The following LARS2 variants were observed in gnomAD, a reference collection of about 807,000 sequenced individuals.
LARS2 encodes leucine--tRNA ligase, mitochondrial.
LARS2 carries 81 observed loss-of-function variants against 116.6 expected under a neutral mutation model. The observed-to-expected ratio is 0.69, with a 90% confidence interval of 0.58 to 0.84. The LOEUF is 0.84. LARS2 is among the 40% of genes least tolerant of loss of function. LARS2 has a pLI of 0.00. For synonymous variants in LARS2, 396 were observed against 407.2 expected (o/e 0.97, Z 0.33); for missense variants, 968 against 1,114.5 (o/e 0.87, Z 1.87).
chr3:45,418,946 C>T (rs1447515439), intron 5 of LARS2, among the ~76,000 whole-genome samples: 2 of 152,234 alleles, frequency 1.3e-5, no homozygotes, highest in Non-Finnish European at 2.9e-5. Flanking sequence ...AGACTAAGCA[C>T]TTCTCTGCAA....
intron 8 of LARS2, among the ~76,000 whole-genome samples, chr3:45,473,804 A>T (rs1319154797): frequency 1.3e-5 from 2 of 151,860 alleles, no homozygotes; most frequent in Non-Finnish European, 2.9e-5. Flanking sequence ...AATACTTTTT[A>T]AATGCAAAGA....
chr3:45,518,813 G>A (rs1022685435), intron 18 of LARS2, among the ~76,000 whole-genome samples: 2 of 152,102 alleles, frequency 1.3e-5, no homozygotes, highest in African/African-American at 4.8e-5. Context: ...ACACAATGAT[G>A]CATGGCAGGT....
rs532935241 is a variant in LARS2, at chr3:45,524,417, T to C, written c.2404+309T>C. Among the ~76,000 whole-genome samples the C allele has an allele frequency of 1.3e-3, 193 of 152,320 alleles. 1 individual carries two copies. Among genetic ancestry groups the C allele is most frequent in the African/African-American group, 4.4e-3 (183 of 41,572 alleles). ...TCCACATATTATGACCTGCGTGGTCTTTTTAAGATAAAAACTCATGTTTAA... is the reference window on the plus strand; with the variant it reads ...TCCACATATTATGACCTGCGTGGTCCTTTTAAGATAAAAACTCATGTTTAA... On this transcript the variant is annotated intron_variant, in intron 20 of 21. Coordinates refer to ENST00000645846, the MANE Select transcript of LARS2 (RefSeq NM_015340.4).
intron 1 of LARS2, among the ~76,000 whole-genome samples, 167 bp from the exon 2 acceptor site, chr3:45,391,416 C>T (rs1362985654): frequency 1.3e-5 from 2 of 149,132 alleles, no homozygotes; most frequent in African/African-American, 2.5e-5. Flanking sequence ...ACCCGGGAGG[C>T]GGAGGTTGCA....
chr3:45,548,520 A>T lies in LARS2; in HGVS notation c.*990A>T, dbSNP rs1489967692. 3 of 152,230 alleles carry T rather than the reference A, an allele frequency of 2.0e-5. No homozygotes were observed. Among genetic ancestry groups the T allele is most frequent in the Non-Finnish European group, 4.4e-5 (3 of 68,062 alleles). The allele number at this position is 152,230 out of a possible 1,614,324, so 9.4% of individuals were successfully genotyped here. On this transcript the variant is annotated 3_prime_UTR_variant, in exon 22 of 22. Coordinates refer to ENST00000645846, the MANE Select transcript of LARS2 (RefSeq NM_015340.4). ...GAGGAGTGGAACTGAGGCCCCCCAG[A>T]TGTTGCCTCCGGTGTCCAAGCCACA...
chr3:45,517,812 T>C (rs1700391937), intron 17 of LARS2, 91 bp from the exon 18 acceptor site: 8 of 1,007,868 alleles, frequency 7.9e-6, no homozygotes, highest in African/African-American at 1.6e-5. Context: ...GTCACATCAA[T>C]TCACAGGTGT....
chr3:45,505,203 T>C (rs968248938), intron 15 of LARS2, among the ~76,000 whole-genome samples: 8 of 151,976 alleles, frequency 5.3e-5, no homozygotes, highest in African/African-American at 1.9e-4. Flanking sequence ...TGCACACCTA[T>C]GTTCTTAGCT....
chr3:45,456,986 G>A (rs1421679206), intron 7 of LARS2, among the ~76,000 whole-genome samples: 4 of 152,240 alleles, frequency 2.6e-5, no homozygotes, highest in Non-Finnish European at 5.9e-5. Flanking sequence ...AGTCATTGAA[G>A]ACAATTTGAT....
chr3:45,402,195 A>G lies in LARS2; in HGVS notation c.363+1822A>G, dbSNP rs536767032. Among the ~76,000 whole-genome samples the G allele has an allele frequency of 6.6e-5, 10 of 152,312 alleles. No homozygotes were observed. In the South Asian group the frequency reaches 2.1e-3, roughly 32 times the overall value. On this transcript the variant is annotated intron_variant, in intron 4 of 21. Transcript: ENST00000645846. The stretch of plus-strand genomic sequence containing the variant: ...ATAGTACCTGCCCCATTGGCCTGTT[A>G]AAAGGATTCAAAGAGGATGACTATG...
chr3:45,430,272 A>AATCTTT (rs1463959360), intron 6 of LARS2, among the ~76,000 whole-genome samples: 1 of 96,786 alleles, frequency 1.0e-5, no homozygotes. Flanking sequence ...GCACCCGGCC[A>AATCTTT]TTTTTTTTTT....
chr3:45,402,801 G>A (rs910981977), intron 4 of LARS2, among the ~76,000 whole-genome samples: 1 of 152,048 alleles, frequency 6.6e-6, no homozygotes, highest in African/African-American at 2.4e-5. Flanking sequence ...TTTCTGCTAT[G>A]TTTATTAGAA....
At chr3:45,456,522 GCA>G (rs898040345) in intron 7 of LARS2, among the ~76,000 whole-genome samples, 5 of 152,218 alleles carry the variant, frequency 3.3e-5, no homozygotes, top group African/African-American at 1.2e-4. Context: ...GGCAGAGGTT[GCA>G]GTGAGCTGAG....
intron 6 of LARS2, among the ~76,000 whole-genome samples, chr3:45,422,922 GAAAGTGA>G (rs1404941585): frequency 6.6e-6 from 1 of 152,152 alleles, no homozygotes; most frequent in East Asian, 1.9e-4. Context: ...TGTTTAATAG[GAAAGTGA>G]AAAGCTATTT....
At chr3:45,450,823 T>TC (rs569133340) in intron 7 of LARS2, among the ~76,000 whole-genome samples, 46 of 152,302 alleles carry the variant, frequency 3.0e-4, no homozygotes, top group African/African-American at 1.0e-3. Flanking sequence ...GTATGAGGGT[T>TC]CCCCTTTCTC....
At chr3:45,505,414 G>C (rs1700185137) in intron 15 of LARS2, among the ~76,000 whole-genome samples, 1 of 151,946 alleles carries the variant, frequency 6.6e-6, no homozygotes, top group Non-Finnish European at 1.5e-5. Flanking sequence ...GGCCAGGCGT[G>C]GTGGTTCATG....
chr3:45,505,149 A>C lies in LARS2; in HGVS notation c.1760+4570A>C, dbSNP rs118141259. On this transcript the variant is annotated intron_variant, in intron 15 of 21. Transcript: ENST00000645846. ...TAATCCCTTGAAACAAACAGATAAA[A>C]GTTTATATTCTTCAGAGGAAATGTT... 4.9e-4 allele frequency among the ~76,000 whole-genome samples: 75 copies of C among 151,970 alleles called. 2 individuals are homozygous for C. In the East Asian group the frequency reaches 0.014, roughly 29 times the overall value.
At chr3:45,492,627 A>T (rs964158231) in intron 13 of LARS2, among the ~76,000 whole-genome samples, 1 of 152,204 alleles carries the variant, frequency 6.6e-6, no homozygotes. Context: ...CTCCTAACTA[A>T]CTGTCTAGCC....
intron 15 of LARS2, chr3:45,507,028 A>G (rs1352447271): frequency 6.6e-6 from 1 of 152,074 alleles, no homozygotes; most frequent in East Asian, 1.9e-4. Context: ...TGTAAGCAGG[A>G]AACCCACAAA....
chr3:45,480,846 T>G (rs1015546725), intron 10 of LARS2, among the ~76,000 whole-genome samples: 3 of 152,236 alleles, frequency 2.0e-5, no homozygotes, highest in African/African-American at 7.2e-5. Flanking sequence ...GCAGTTCAAC[T>G]CTTTCAAGCA....
Sources: gnomAD v4.1 joint callset for allele counts (sites outside exome capture counted in the v4.1 genomes callset) on GRCh38, gnomAD v4.1.1 for gene constraint, MANE v1.5 for transcripts, NCBI Gene and HGNC (gene_info 2026-07-23, HGNC 2026-07-21) for gene names.